Variants in MARK4 observed in about 807,000 individuals in gnomAD.
The protein encoded by MARK4 is microtubule affinity regulating kinase 4.
In MARK4, 19 loss-of-function variants were observed where a neutral mutation model predicts 81.5. That is an observed-to-expected ratio of 0.23 (90% CI 0.16 to 0.34). MARK4 has a LOEUF of 0.34. MARK4 is among the 10% of genes least tolerant of loss of function. The pLI is 1.00. For missense variants in MARK4, 772 were observed against 1,058.8 expected (o/e 0.73, Z 3.76); for synonymous variants, 436 against 439.0 (o/e 0.99, Z 0.08).
In MARK4 at chr19:45,280,735, G is replaced by GT. The variant is rs757376233; in HGVS notation, c.1276+2dup. ...CGCCAGCGCAGGCATAGCGATTTCT[G>GT]TGAGTATCAACCCCACGCCCTCACG... On this transcript the variant is annotated splice_donor_variant, in intron 12 of 16. Transcript: ENST00000262891. LOFTEE classifies it high-confidence loss of function. 6.2e-7 allele frequency: 1 copy of GT among 1,614,078 alleles called. No homozygotes were observed. The highest frequency in any genetic ancestry group is 1.3e-5 in the African/African-American group (1 of 75,024).
chr19:45,295,467 C>G (rs1970874754), intron 14 of MARK4, among the ~76,000 whole-genome samples: 1 of 152,070 alleles, frequency 6.6e-6, no homozygotes. Flanking sequence ...CCTCTGTTTC[C>G]TCCTCGGTAA....
intron 1 of MARK4, among the ~76,000 whole-genome samples, chr19:45,254,713 A>G (rs1970285949): frequency 6.6e-6 from 1 of 152,140 alleles, no homozygotes; most frequent in Non-Finnish European, 1.5e-5. Context: ...TGGTGGTTGG[A>G]ACTGCCCAGC....
At chr19:45,295,472 C>T (rs987707319) in intron 14 of MARK4, among the ~76,000 whole-genome samples, 3 of 152,040 alleles carry the variant, frequency 2.0e-5, no homozygotes, top group Non-Finnish European at 2.9e-5. Flanking sequence ...GTTTCCTCCT[C>T]GGTAAAATGG....
chr19:45,277,788 T>C (rs1970617758), intron 8 of MARK4, 135 bp from the exon 9 acceptor site: 1 of 1,054,052 alleles, frequency 9.5e-7, no homozygotes, highest in Admixed American at 3.1e-5. Context: ...GACTCAGAGC[T>C]TCTGTCACTT....
intron 7 of MARK4, among the ~76,000 whole-genome samples, chr19:45,267,191 T>A (rs1970466844): frequency 6.6e-6 from 1 of 152,142 alleles, no homozygotes; most frequent in East Asian, 1.9e-4. Flanking sequence ...CCCGAGTAGC[T>A]GAGGTCACAG....
Position 45,259,237 on chromosome 19 carries a change from A to G in MARK4, c.252+48A>G, listed in dbSNP as rs558550003. The G allele has an allele frequency of 2.5e-6, 4 of 1,594,642 alleles. No individual in the cohort carries two copies. The East Asian group carries it at 6.8e-5, about 27-fold the overall frequency. On this transcript the variant is annotated intron_variant, in intron 2 of 16. Transcript: ENST00000262891. ...GCTCGGGGCAGGTCCCTGTGGGACC[A>G]GGTCTTCGGTGTATGTTGATAGAGG...
intron 7 of MARK4, among the ~76,000 whole-genome samples, chr19:45,270,120 G>T (rs1027369050): frequency 1.3e-5 from 2 of 152,116 alleles, no homozygotes; most frequent in African/African-American, 4.8e-5. Flanking sequence ...GAGCTACCGC[G>T]CCCGGCCATG....
chr19:45,254,803 T>A (rs1970287201), intron 1 of MARK4, among the ~76,000 whole-genome samples: 1 of 152,228 alleles, frequency 6.6e-6, no homozygotes, highest in Non-Finnish European at 1.5e-5. Context: ...AGGCTCAGTT[T>A]CTCTGCTGGA....
intron 1 of MARK4, among the ~76,000 whole-genome samples, chr19:45,253,830 C>T (rs950661938): frequency 6.6e-6 from 1 of 152,182 alleles, no homozygotes; most frequent in African/African-American, 2.4e-5. Flanking sequence ...CATCCTGTTT[C>T]TGTCCCTCCC....
intron 12 of MARK4, among the ~76,000 whole-genome samples, chr19:45,286,463 A>G (rs1405558234): frequency 6.6e-6 from 1 of 151,726 alleles, no homozygotes; most frequent in Non-Finnish European, 1.5e-5. Context: ...TAATCCCAGC[A>G]CTTTGGGAGG....
chr19:45,296,922 T>C (rs1041120711), intron 14 of MARK4, among the ~76,000 whole-genome samples: 3 of 152,042 alleles, frequency 2.0e-5, no homozygotes, highest in African/African-American at 7.2e-5. Context: ...TGGTGCTGCA[T>C]GCCTATAGTC....
At chr19:45,285,521 C>T (rs1260435271) in intron 12 of MARK4, among the ~76,000 whole-genome samples, 1 of 152,202 alleles carries the variant, frequency 6.6e-6, no homozygotes, top group African/African-American at 2.4e-5. Flanking sequence ...GGAAGTGGTG[C>T]TTCTGCCCTA....
chr19:45,288,276 G>C (rs145543236), intron 13 of MARK4: 1 of 152,560 alleles, frequency 6.6e-6, no homozygotes, highest in Non-Finnish European at 1.5e-5. Flanking sequence ...AATCAGGCCA[G>C]GCACAGTGGC....
chr19:45,259,702 G>A (rs889893884), intron 2 of MARK4, among the ~76,000 whole-genome samples: 1 of 152,174 alleles, frequency 6.6e-6, no homozygotes, highest in Non-Finnish European at 1.5e-5. Context: ...TTGAGCTCAG[G>A]AGTTTGAGGC....
Position 45,302,119 on chromosome 19 carries a change from A to G in MARK4, c.1923-255A>G, listed in dbSNP as rs1460811542. The stretch of plus-strand genomic sequence containing the variant: ...AGGTTCTTTGAAGGAACTGATGTGG[A>G]TGGCACATCTCACTTCTGCTCATGT... On this transcript the variant is annotated intron_variant, in intron 16 of 16. Coordinates refer to ENST00000262891, the MANE Select transcript of MARK4 (RefSeq NM_001199867.2). The surrounding 1 kb of genome is among the most constrained non-coding windows in gnomAD (Gnocchi z 4.9). 6.6e-6 allele frequency among the ~76,000 whole-genome samples: 1 copy of G among 152,182 alleles called. No homozygotes were observed. The highest frequency in any genetic ancestry group is 6.5e-5 in the Admixed American group (1 of 15,274).
chr19:45,288,646 C>G (rs1599798440), intron 13 of MARK4: 1 of 151,280 alleles, frequency 6.6e-6, no homozygotes, highest in South Asian at 2.1e-4. Flanking sequence ...GTCAGGAGAT[C>G]GAGACCGTCG....
At chr19:45,280,860 A>G in intron 12 of MARK4, 126 bp downstream of exon 12, 2 of 1,337,026 alleles carry the variant, frequency 1.5e-6, no homozygotes, top group Non-Finnish European at 2.1e-6. Context: ...AGAGGGAGGA[A>G]TGTCTTATAA....
intron 13 of MARK4, among the ~76,000 whole-genome samples, chr19:45,290,434 C>A (rs1175070674): frequency 6.6e-6 from 1 of 152,258 alleles, no homozygotes; most frequent in Non-Finnish European, 1.5e-5. Flanking sequence ...AAGCTTTGAC[C>A]ACAAGTGTCC....
chr19:45,277,860 T>A, intron 8 of MARK4, 63 bp from the exon 9 acceptor site: 1 of 1,431,034 alleles, frequency 7.0e-7, no homozygotes, highest in East Asian at 2.3e-5. Flanking sequence ...TGTGTGTGTG[T>A]GTGTGTGTGT....
Sources: gnomAD v4.1 joint callset for allele counts (sites outside exome capture counted in the v4.1 genomes callset) on GRCh38, gnomAD v4.1.1 for gene constraint, Gnocchi (gnomAD v3.1) non-coding constraint, MANE v1.5 for transcripts, NCBI Gene and HGNC (gene_info 2026-07-23, HGNC 2026-07-21) for gene names.